MTTP: variants seen among roughly 807,000 people sequenced by gnomAD.
The protein encoded by MTTP is microsomal triglyceride transfer protein, also known as microsomal triglyceride transfer protein large subunit.
MTTP carries 49 observed loss-of-function variants against 90.6 expected under a neutral mutation model. The observed-to-expected ratio is 0.54, with a 90% CI of 0.43 to 0.69. MTTP has a LOEUF of 0.69. Among genes scored for constraint, MTTP ranks in the 30% least tolerant of loss-of-function variants. MTTP has a pLI of 0.00. For synonymous variants in MTTP, 347 were observed against 384.2 expected, an observed-to-expected ratio of 0.90 and a Z score of 1.13; for missense variants, 945 against 1,067.5, an observed-to-expected ratio of 0.89 and a Z score of 1.60.
At chr4:99,601,321 CTTT>C (rs34811849) in intron 9 of MTTP, among the ~76,000 whole-genome samples, 1 of 128,180 alleles carries the variant, frequency 7.8e-6, no homozygotes. Flanking sequence ...CTCACCCCTC[CTTT>C]TTTTTTTTTT....
intron 9 of MTTP, 21 bp downstream of exon 9, chr4:99,600,754 A>G (rs761484933): frequency 9.9e-6 from 16 of 1,610,900 alleles, no homozygotes; most frequent in Admixed American, 8.3e-5. Context: ...TAGAAAATAA[A>G]GACCCTCAAC....
At chr4:99,600,853 A>G in intron 9 of MTTP, 120 bp downstream of exon 9, 2 of 961,598 alleles carry the variant, frequency 2.1e-6, no homozygotes, top group South Asian at 1.6e-5. Context: ...CTGAGTATTC[A>G]TATTCAAATT....
chr4:99,594,142 G>T (rs1725493527), intron 6 of MTTP, among the ~76,000 whole-genome samples: 1 of 152,184 alleles, frequency 6.6e-6, no homozygotes, highest in Non-Finnish European at 1.5e-5. Flanking sequence ...CGAAGCACAT[G>T]TACTGATAGT....
chr4:99,609,922 C>G (rs13135675), intron 12 of MTTP, among the ~76,000 whole-genome samples: 10,630 of 152,132 alleles, frequency 0.07, 609 homozygotes, highest in African/African-American at 0.15. Flanking sequence ...TGAAGGAGAT[C>G]CTGGGTGTAC....
rs1185676650 is a variant in MTTP, at chr4:99,592,175, C to A, written c.758+385C>A. ...GTATAAAAGATACTATGTAGGTGTA[C>A]CTTTATTCATAAAAGGTACATAAGT... On this transcript the variant is annotated intron_variant, in intron 6 of 17. Coordinates refer to ENST00000265517, the MANE Select transcript of MTTP (RefSeq NM_001386140.1). 1.1e-4 allele frequency among the ~76,000 whole-genome samples: 16 copies of A among 152,146 alleles called. No homozygotes were observed. In the South Asian group the frequency reaches 2.7e-3, roughly 26 times the overall value.
intron 1 of MTTP, among the ~76,000 whole-genome samples, chr4:99,580,219 C>T (rs2110210723): frequency 6.6e-6 from 1 of 151,474 alleles, no homozygotes; most frequent in East Asian, 2.0e-4. Flanking sequence ...AATAATTCAA[C>T]CTATAGTTTT....
At chr4:99,615,159 C>G (rs1368342206) in intron 15 of MTTP, among the ~76,000 whole-genome samples, 1 of 152,172 alleles carries the variant, frequency 6.6e-6, no homozygotes, top group Non-Finnish European at 1.5e-5. Flanking sequence ...TAATCTAGAT[C>G]TGGGTCAGCA....
chr4:99,593,788 C>G (rs1725485658), intron 6 of MTTP, among the ~76,000 whole-genome samples: 1 of 152,072 alleles, frequency 6.6e-6, no homozygotes, highest in African/African-American at 2.4e-5. Flanking sequence ...ACTGGTATAT[C>G]TATAGTGTTT....
At chr4:99,591,389 A>G in intron 5 of MTTP, 38 bp downstream of exon 5, 1 of 1,425,498 alleles carries the variant, frequency 7.0e-7, no homozygotes, top group Non-Finnish European at 9.9e-7. Context: ...CATTAAAATA[A>G]TTACATTTTG....
Position 99,608,701 on chromosome 4 carries a change from A to G in MTTP, c.1558-65A>G. 3 of 1,201,330 alleles carry G rather than the reference A, an allele frequency of 2.5e-6. 1 individual carries two copies. The South Asian group carries it at 3.6e-5, about 15-fold the overall frequency. 74.4% of individuals were successfully genotyped at this position (1,201,330 alleles called of 1,614,324 possible). On this transcript the variant is annotated intron_variant, in intron 11 of 17. Transcript: ENST00000265517. ...TTTATGAACACTCACTATTCCTGCT[A>G]TTCCTGCTGAAATGTCCATTTTAAA...
rs1393075039 is a variant in MTTP at position 99,611,421 on chromosome 4, T to C, written c.1957T>C (p.Tyr653His). The C allele has an allele frequency of 6.2e-7, 1 of 1,613,992 alleles. No homozygotes were observed. Among genetic ancestry groups the C allele is most frequent in the East Asian group, 2.2e-5 (1 of 44,898 alleles). Reference sequence around the variant, plus strand: ...GAGAAGTAACCTGAACATCTTTCAGTACATTGGGAAGGCTGGTCTTCACGG... The same window carrying C: ...GAGAAGTAACCTGAACATCTTTCAGCACATTGGGAAGGCTGGTCTTCACGG... ...LRRSNLNIFQYIGKAGLHGSQ... is the reference protein window; with the variant it reads ...LRRSNLNIFQHIGKAGLHGSQ... Residue 653 changes from tyrosine (Y) to histidine (H), a missense_variant, in exon 14 of 18, where the codon TAC (tyrosine) becomes CAC (histidine). Tyr to His is a moderately conservative substitution (Grantham distance 83). Transcript: ENST00000265517.
In MTTP at chr4:99,574,861, C is replaced by T; in HGVS notation, c.-49C>T. The stretch of plus-strand genomic sequence containing the variant: ...GCTGCCATTGAAAGAGTCCACTTCT[C>T]AGTGACTCCTAGCTGGGCACTGGAT... On this transcript the variant is annotated 5_prime_UTR_variant, in exon 1 of 18. Transcript: ENST00000265517. 2 of 1,613,950 alleles carry T rather than the reference C, an allele frequency of 1.2e-6. No individual in the cohort carries two copies. Among genetic ancestry groups the T allele is most frequent in the East Asian group, 4.5e-5 (2 of 44,882 alleles).
At chr4:99,583,319 T>A in intron 2 of MTTP, 55 bp from the exon 3 acceptor site, 1 of 1,568,736 alleles carries the variant, frequency 6.4e-7, no homozygotes, top group Non-Finnish European at 8.7e-7. Flanking sequence ...AGAGATACTC[T>A]GATGAAGACA....
intron 10 of MTTP, among the ~76,000 whole-genome samples, chr4:99,606,020 C>G (rs1476979621): frequency 6.6e-6 from 1 of 152,022 alleles, no homozygotes; most frequent in Admixed American, 6.6e-5. Flanking sequence ...TACAAAGAAT[C>G]TTTATTTTAA....
chr4:99,568,237 A>C (rs1724751904), intron 1 of MTTP, among the ~76,000 whole-genome samples: 1 of 152,122 alleles, frequency 6.6e-6, no homozygotes. Context: ...TAGATGACTG[A>C]ATGTCTGTCT....
At chr4:99,593,950 C>T (rs1368952043) in intron 6 of MTTP, among the ~76,000 whole-genome samples, 1 of 152,142 alleles carries the variant, frequency 6.6e-6, no homozygotes, top group East Asian at 1.9e-4. Flanking sequence ...CTTGGCCTTG[C>T]TAGGCATCTA....
In MTTP at chr4:99,591,708, T is replaced by C. The variant is rs1184450999; in HGVS notation, c.676T>C (p.Phe226Leu). Residue 226 changes from phenylalanine to leucine, a missense_variant, in exon 6 of 18, where the codon TTT (phenylalanine) becomes CTT (leucine). Physicochemically the swap from Phe to Leu is conservative, Grantham distance 22. Coordinates refer to ENST00000265517, the MANE Select transcript of MTTP (RefSeq NM_001386140.1). ...CACCACCTATAAGATAGAAGACAGCTTTGTTATAGCTGTGCTTGCTGAAGA... is the reference window on the plus strand; with the variant it reads ...CACCACCTATAAGATAGAAGACAGCCTTGTTATAGCTGTGCTTGCTGAAGA... The part of the protein sequence containing the change: ...SVTTYKIEDS[F>L]VIAVLAEETH... 1 of 1,613,184 alleles carries C rather than the reference T, an allele frequency of 6.2e-7. No homozygotes were observed. Among genetic ancestry groups the C allele is most frequent in the South Asian group, 1.1e-5 (1 of 91,008 alleles).
At chr4:99,577,307 A>T (rs1357033244) in intron 1 of MTTP, among the ~76,000 whole-genome samples, 2 of 152,074 alleles carry the variant, frequency 1.3e-5, no homozygotes, top group African/African-American at 4.8e-5. Flanking sequence ...GGCAGGTTAG[A>T]ATCTAAAGAA....
Position 99,622,810 on chromosome 4 carries a change from G to A in MTTP, c.2647G>A (p.Ala883Thr). 1.2e-6 allele frequency: 2 copies of A among 1,614,110 alleles called. No individual in the cohort carries two copies. Among genetic ancestry groups the A allele is most frequent in the Non-Finnish European group, 1.7e-6 (2 of 1,179,996 alleles). The change falls in exon 18 of 18, where the codon GCC becomes ACC. Residue 883 changes from alanine (A) to threonine (T), a missense_variant. By Grantham distance (58) the Ala-to-Thr change is moderately conservative. Coordinates refer to ENST00000265517, the MANE Select transcript of MTTP (RefSeq NM_001386140.1). ...ENSEMCKVVF[A>T]PQPDSTSSGW... ...CTCAGAGATGTGCAAAGTGGTGTTT[G>A]CCCCTCAGCCGGATAGTACTTCCAG...
Sources: gnomAD v4.1 joint callset for allele counts (sites outside exome capture counted in the v4.1 genomes callset) on GRCh38, gnomAD v4.1.1 for gene constraint, MANE v1.5 for transcripts, NCBI Gene and HGNC (gene_info 2026-07-23, HGNC 2026-07-21) for gene names.